The following SUGCT variants were observed in gnomAD, a reference collection of about 807,000 sequenced individuals.
SUGCT encodes the protein succinyl-CoA:glutarate CoA-transferase.
Under a neutral mutation model 55.0 loss-of-function variants are expected in SUGCT, and 41 were observed. The observed-to-expected ratio is 0.74, with a 90% CI of 0.58 to 0.97. The LOEUF is 0.97. Among genes scored for constraint, SUGCT ranks in the 50% least tolerant of loss-of-function variants. SUGCT has a pLI of 0.00. For missense variants in SUGCT, 568 were observed against 547.8 expected (o/e 1.04, Z -0.37); for synonymous variants, 187 against 200.4 (o/e 0.93, Z 0.56).
intron 12 of SUGCT, among the ~76,000 whole-genome samples, chr7:40,712,537 T>A (rs1260024709): frequency 6.6e-6 from 1 of 152,040 alleles, no homozygotes; most frequent in Non-Finnish European, 1.5e-5. Context: ...AGAAAAAGAG[T>A]TTAGGATTAT....
At chr7:40,827,513 G>C (rs1423310635) in intron 13 of SUGCT, among the ~76,000 whole-genome samples, 4 of 152,200 alleles carry the variant, frequency 2.6e-5, no homozygotes, top group African/African-American at 9.6e-5. Context: ...ATCTGCTTCT[G>C]ATTTGGGGCT....
intron 12 of SUGCT, among the ~76,000 whole-genome samples, chr7:40,680,953 C>T (rs1784211232): frequency 6.6e-6 from 1 of 152,138 alleles, no homozygotes; most frequent in Non-Finnish European, 1.5e-5. Context: ...TAAGTGCGAG[C>T]ATGTTTCCAC....
chr7:40,292,338 A>T (rs1441445252), intron 8 of SUGCT, among the ~76,000 whole-genome samples: 1 of 152,152 alleles, frequency 6.6e-6, no homozygotes, highest in Non-Finnish European at 1.5e-5. Context: ...TGTATTTTTT[A>T]AAGTTCCAGA....
chr7:40,503,246 T>G (rs535160575), intron 12 of SUGCT, among the ~76,000 whole-genome samples: 40 of 152,258 alleles, frequency 2.6e-4, no homozygotes, highest in Non-Finnish European at 4.1e-4. Context: ...ACACTGAATA[T>G]TGTTAAGGTA....
intron 9 of SUGCT, among the ~76,000 whole-genome samples, chr7:40,417,252 T>C (rs1340210969): frequency 6.6e-6 from 1 of 151,996 alleles, no homozygotes; most frequent in Non-Finnish European, 1.5e-5. Flanking sequence ...TGTTTTCTTT[T>C]GGTTTATTTT....
chr7:40,289,244 A>G (rs1434175696), intron 8 of SUGCT, among the ~76,000 whole-genome samples: 1 of 152,106 alleles, frequency 6.6e-6, no homozygotes, highest in East Asian at 1.9e-4. Flanking sequence ...TGTAAGAGAG[A>G]GGCGAGAGTA....
the SUGCT span, among the ~76,000 whole-genome samples, chr7:40,971,743 C>A: frequency 2.0e-5 from 3 of 152,140 alleles, no homozygotes; most frequent in Non-Finnish European, 4.4e-5. Context: ...TCTTCTCTTT[C>A]AGGTTCTGTG....
chr7:40,644,629 A>G (rs1246896729), intron 12 of SUGCT, among the ~76,000 whole-genome samples: 1 of 152,186 alleles, frequency 6.6e-6, no homozygotes, highest in Non-Finnish European at 1.5e-5. Context: ...CAGGGATGCT[A>G]AGCCCTTTCA....
rs565525867 is a variant in SUGCT at position 40,333,748 on chromosome 7, C to A, written c.816+16893C>A. ...CATATATATAATTTAGTGACAGCATCGACCAGTGGCTCTTTTTTTTTAAAT... is the reference window on the plus strand; with the variant it reads ...CATATATATAATTTAGTGACAGCATAGACCAGTGGCTCTTTTTTTTTAAAT... On this transcript the variant is annotated intron_variant, in intron 9 of 13. Coordinates refer to ENST00000335693, the MANE Select transcript of SUGCT (RefSeq NM_001193313.2). Among the ~76,000 whole-genome samples, 3 of 84,406 alleles carry A rather than the reference C, an allele frequency of 3.6e-5. No homozygotes were observed. In the South Asian group the frequency reaches 2.1e-3, roughly 58 times the overall value. 55.4% of individuals were successfully genotyped at this position (84,406 alleles called of 152,430 possible).
intron 6 of SUGCT, among the ~76,000 whole-genome samples, chr7:40,207,034 A>G (rs937711053): frequency 3.3e-5 from 5 of 151,956 alleles, no homozygotes; most frequent in Non-Finnish European, 5.9e-5. Context: ...CTCTGACTCT[A>G]TAAAAAATAA....
At chr7:40,278,489 C>T (rs1044730460) in intron 8 of SUGCT, among the ~76,000 whole-genome samples, 50 of 152,092 alleles carry the variant, frequency 3.3e-4, no homozygotes, top group East Asian at 3.8e-4. Flanking sequence ...ATGTTTATTG[C>T]GATACTATTC....
intron 12 of SUGCT, among the ~76,000 whole-genome samples, chr7:40,513,618 C>G (rs894958600): frequency 6.6e-6 from 1 of 152,086 alleles, no homozygotes; most frequent in African/African-American, 2.4e-5. Context: ...GCAAGATGCT[C>G]TTTTATACTC....
At chr7:40,412,002 C>G (rs1489613094) in intron 9 of SUGCT, among the ~76,000 whole-genome samples, 1 of 152,122 alleles carries the variant, frequency 6.6e-6, no homozygotes, top group Non-Finnish European at 1.5e-5. Context: ...TTCCTGCCTC[C>G]TTTAGGCCCA....
intron 8 of SUGCT, among the ~76,000 whole-genome samples, chr7:40,311,319 C>T (rs1008901264): frequency 6.6e-6 from 1 of 152,208 alleles, no homozygotes; most frequent in Admixed American, 6.5e-5. Flanking sequence ...ATATCCCTAA[C>T]AGTCCCCTTT....
At chr7:40,294,971 T>A (rs929127877) in intron 8 of SUGCT, among the ~76,000 whole-genome samples, 1 of 152,254 alleles carries the variant, frequency 6.6e-6, no homozygotes. Flanking sequence ...GTGAAGGGCA[T>A]TGTTAAATTA....
intron 12 of SUGCT, among the ~76,000 whole-genome samples, chr7:40,687,504 A>G (rs1014468166): frequency 1.3e-5 from 2 of 151,952 alleles, no homozygotes; most frequent in Non-Finnish European, 2.9e-5. Context: ...ACCTTTTTCT[A>G]ATGGCCATTT....
chr7:40,987,526 G>A, the SUGCT span, among the ~76,000 whole-genome samples: 1 of 152,082 alleles, frequency 6.6e-6, no homozygotes. Flanking sequence ...ATTATAAAAT[G>A]TCTCCCATGA....
At chr7:40,155,226 A>C (rs963086512) in intron 1 of SUGCT, among the ~76,000 whole-genome samples, 5 of 152,000 alleles carry the variant, frequency 3.3e-5, no homozygotes, top group African/African-American at 7.3e-5. Context: ...CGGAGGTTGC[A>C]GTGAGCCAAG....
At chr7:40,550,555 C>A (rs542958923) in intron 12 of SUGCT, among the ~76,000 whole-genome samples, 1 of 152,218 alleles carries the variant, frequency 6.6e-6, no homozygotes, top group African/African-American at 2.4e-5. Flanking sequence ...ATTTGTTATA[C>A]ATACAATATC....
Sources: allele counts gnomAD v4.1 joint callset (sites outside exome capture counted in the v4.1 genomes callset), GRCh38; gene constraint gnomAD v4.1.1; transcripts MANE v1.5; gene names NCBI Gene and HGNC (gene_info 2026-07-23, HGNC 2026-07-21).